SLCO6A1: variants seen among roughly 807,000 people sequenced by gnomAD.
SLCO6A1 encodes cancer/testis antigen 48.
Under a neutral mutation model 72.7 loss-of-function variants are expected in SLCO6A1, and 65 were observed. The observed-to-expected ratio is 0.89, with a 90% confidence interval of 0.73 to 1.10. The LOEUF is 1.10. Ranked by LOEUF, SLCO6A1 falls within the 50% of genes least tolerant of loss-of-function variation. The probability of loss-of-function intolerance (pLI) is 0.00; values close to 1 mark genes in which losing one functional copy is unlikely to be tolerated. For missense variants in SLCO6A1, 874 were observed against 872.6 expected (o/e 1.00, Z -0.02); for synonymous variants, 314 against 298.2 (o/e 1.05, Z -0.55).
At chr5:102,463,857 G>T in intron 4 of SLCO6A1, among the ~76,000 whole-genome samples, 1 of 149,272 alleles carries the variant, frequency 6.7e-6, no homozygotes, top group African/African-American at 2.5e-5. Flanking sequence ...TTGCACTCCA[G>T]CCTGGGCGAC....
intron 10 of SLCO6A1, among the ~76,000 whole-genome samples, chr5:102,393,163 C>T (rs538195099): frequency 6.6e-6 from 1 of 152,206 alleles, no homozygotes; most frequent in South Asian, 2.1e-4. Flanking sequence ...CAATAACCAC[C>T]CTTATCCCTT....
chr5:102,395,036 TAAA>T (rs527548390), intron 10 of SLCO6A1, among the ~76,000 whole-genome samples: 1 of 152,092 alleles, frequency 6.6e-6, no homozygotes, highest in African/African-American at 2.4e-5. Flanking sequence ...TATTGAGACT[TAAA>T]AAAATTTGTT....
intron 7 of SLCO6A1, among the ~76,000 whole-genome samples, chr5:102,434,449 TG>T (rs1749392395): frequency 6.6e-6 from 1 of 152,204 alleles, no homozygotes. Context: ...CATCACCCTT[TG>T]GAAACTGGAG....
At chr5:102,374,648 A>T (rs771124485) in intron 12 of SLCO6A1, among the ~76,000 whole-genome samples, 8 of 152,236 alleles carry the variant, frequency 5.3e-5, no homozygotes, top group Non-Finnish European at 8.8e-5. Context: ...TTATAATGAT[A>T]CAATAACATT....
At chr5:102,481,959 T>G (rs1752216975) in intron 1 of SLCO6A1, among the ~76,000 whole-genome samples, 1 of 152,166 alleles carries the variant, frequency 6.6e-6, no homozygotes, top group Admixed American at 6.5e-5. Flanking sequence ...CGAGCCAGAT[T>G]TGGAGCCACA....
Position 102,413,099 on chromosome 5 carries a change from C to T in SLCO6A1, c.1517G>A (p.Cys506Tyr). 1 of 1,568,692 alleles carries T rather than the reference C, an allele frequency of 6.4e-7. No homozygotes were observed. The highest frequency in any genetic ancestry group is 8.6e-7 in the Non-Finnish European group (1 of 1,164,316). Residue 506 changes from cysteine (C) to tyrosine (Y), a missense_variant, in exon 9 of 14, where the codon TGT (cysteine) becomes TAT (tyrosine). Cys to Tyr is a radical substitution (Grantham distance 194). Transcript: ENST00000506729. Reference sequence around the variant, plus strand: ...AGAATAAATTGAAGATGAGCATCTACATTTTTCATTGCAAGGAGCCGTGAG... The same window carrying T: ...AGAATAAATTGAAGATGAGCATCTATATTTTTCATTGCAAGGAGCCGTGAG... ...GNLTAPCNEKCRCSSSIYSSI... is the reference protein window; with the variant it reads ...GNLTAPCNEKYRCSSSIYSSI...
intron 12 of SLCO6A1, among the ~76,000 whole-genome samples, chr5:102,385,490 G>A (rs1312737673): frequency 6.6e-6 from 1 of 152,022 alleles, no homozygotes; most frequent in Non-Finnish European, 1.5e-5. Context: ...TTTCTTCACT[G>A]TTTTGTATTC....
At position 102,498,753 on chromosome 5, in the gene SLCO6A1, T is replaced by A; in HGVS notation, c.92A>T (p.Lys31Met). 1 of 1,614,128 alleles carries A rather than the reference T, an allele frequency of 6.2e-7. No individual in the cohort carries two copies. The highest frequency in any genetic ancestry group is 8.5e-7 in the Non-Finnish European group (1 of 1,180,022). Reference sequence around the variant, plus strand: ...CGGGGTTCCCTTGGCCCTCCTGTCCTTAGCAGGCTGGGCCCGCGCGGCCTC... The same window carrying A: ...CGGGGTTCCCTTGGCCCTCCTGTCCATAGCAGGCTGGGCCCGCGCGGCCTC... ...PLEAARAQPA[K>M]DRRAKGTPKS... Residue 31 changes from lysine to methionine, a missense_variant, in exon 1 of 14, where the codon AAG (lysine) becomes ATG (methionine). Coordinates refer to ENST00000506729, the MANE Select transcript of SLCO6A1 (RefSeq NM_173488.5).
intron 8 of SLCO6A1, 137 bp from the exon 9 acceptor site, chr5:102,413,280 G>A: frequency 1.3e-6 from 1 of 778,046 alleles, no homozygotes; most frequent in East Asian, 3.3e-5. Flanking sequence ...TGAGGTCTGA[G>A]GTACAATAGA....
chr5:102,492,779 T>C (rs1405298237), intron 1 of SLCO6A1, among the ~76,000 whole-genome samples: 1 of 152,172 alleles, frequency 6.6e-6, no homozygotes, highest in Admixed American at 6.5e-5. Context: ...CCACGAAGCC[T>C]CACTCATTGC....
At chr5:102,411,143 T>C (rs1376896) in intron 9 of SLCO6A1, among the ~76,000 whole-genome samples, 17,603 of 152,150 alleles carry the variant, frequency 0.12, 1,130 homozygotes, top group Admixed American at 0.16. Flanking sequence ...GGCTGTTTCG[T>C]TCAACTTTGC....
In SLCO6A1 at chr5:102,450,739, T is replaced by C. The variant is rs141600897; in HGVS notation, c.1131+7643A>G. Among the ~76,000 whole-genome samples the C allele has an allele frequency of 4.3e-3, 651 of 152,182 alleles. 12 individuals are homozygous for C. Among genetic ancestry groups the C allele is most frequent in the African/African-American group, 0.015 (627 of 41,552 alleles). ...GCTCCACTCCAGAGAAGCACACCAA[T>C]TGGTATGATTAGCCCAGGGTGAAGC... On this transcript the variant is annotated intron_variant, in intron 6 of 13. Coordinates refer to ENST00000506729, the MANE Select transcript of SLCO6A1 (RefSeq NM_173488.5).
chr5:102,463,672 A>C (rs1179429373), intron 4 of SLCO6A1, among the ~76,000 whole-genome samples: 1 of 152,170 alleles, frequency 6.6e-6, no homozygotes, highest in Non-Finnish European at 1.5e-5. Context: ...GGATCACCTG[A>C]GCTCGGGAGT....
At chr5:102,485,110 G>A (rs557254654) in intron 1 of SLCO6A1, among the ~76,000 whole-genome samples, 27 of 152,166 alleles carry the variant, frequency 1.8e-4, no homozygotes, top group African/African-American at 6.0e-4. Flanking sequence ...AATTAGCCAG[G>A]CTTGGTGGCA....
At chr5:102,491,344 C>A (rs1561504316) in intron 1 of SLCO6A1, among the ~76,000 whole-genome samples, 1 of 152,272 alleles carries the variant, frequency 6.6e-6, no homozygotes, top group Non-Finnish European at 1.5e-5. Context: ...GGATCCCCTA[C>A]CGGGGCCGCA....
chr5:102,452,518 T>C (rs1750472163), intron 6 of SLCO6A1, among the ~76,000 whole-genome samples: 1 of 152,166 alleles, frequency 6.6e-6, no homozygotes, highest in Admixed American at 6.5e-5. Context: ...TATAACTGCA[T>C]AAAAATGTTA....
intron 4 of SLCO6A1, among the ~76,000 whole-genome samples, 200 bp from the exon 5 acceptor site, chr5:102,459,977 G>C (rs2112762366): frequency 6.6e-6 from 1 of 152,206 alleles, no homozygotes; most frequent in African/African-American, 2.4e-5. Flanking sequence ...TTATGTGCTT[G>C]TTTTGTCTTA....
chr5:102,421,918 A>G (rs1308315222), intron 7 of SLCO6A1, among the ~76,000 whole-genome samples: 3 of 152,172 alleles, frequency 2.0e-5, no homozygotes, highest in Admixed American at 6.5e-5. Flanking sequence ...AAGCTTCCAG[A>G]AAAGGAGCAG....
intron 9 of SLCO6A1, among the ~76,000 whole-genome samples, chr5:102,403,138 A>G (rs1260972528): frequency 6.6e-6 from 1 of 152,184 alleles, no homozygotes; most frequent in Non-Finnish European, 1.5e-5. Context: ...AGTGTGGAAT[A>G]TGATATACAA....
Sources: gnomAD v4.1 joint callset for allele counts (sites outside exome capture counted in the v4.1 genomes callset) on GRCh38, gnomAD v4.1.1 for gene constraint, MANE v1.5 for transcripts, NCBI Gene and HGNC (gene_info 2026-07-23, HGNC 2026-07-21) for gene names.